Variants in SIGLECL1 observed in about 807,000 individuals in gnomAD.
SIGLECL1 encodes SIGLEC family like 1.
A neutral mutation model predicts 19.1 loss-of-function variants in SIGLECL1; 16 were observed. The observed-to-expected ratio is 0.84, with a 90% CI of 0.57 to 1.27. The LOEUF (loss-of-function observed/expected upper bound fraction) is 1.27, where lower values mean the gene tolerates loss of function less well. SIGLECL1 is among the 50% of genes most tolerant of loss of function. The pLI is 0.00. For synonymous variants in SIGLECL1, 89 were observed against 90.4 expected (o/e 0.98, Z 0.09); for missense variants, 210 against 239.4 (o/e 0.88, Z 0.81).
chr19:51,265,836 G>A lies in SIGLECL1; in HGVS notation c.364G>A (p.Ala122Thr). The A allele has an allele frequency of 6.2e-7, 1 of 1,614,164 alleles. No homozygotes were observed. The highest frequency in any genetic ancestry group is 1.1e-5 in the South Asian group (1 of 91,086). Residue 122 changes from alanine to threonine, a missense_variant, in exon 4 of 6, where the codon GCG becomes ACG. By Grantham distance (58) the Ala-to-Thr change is moderately conservative. Transcript: ENST00000601727. ...VKGLIQGAIY[A>T]GIVIALLFLC... ...AGGGCTGATCCAGGGTGCTATCTATGCGGGAATTGTAATTGCGCTGCTCTT... is the reference window on the plus strand; with the variant it reads ...AGGGCTGATCCAGGGTGCTATCTATACGGGAATTGTAATTGCGCTGCTCTT...
chr19:51,265,588 A>T lies in SIGLECL1; in HGVS notation c.243A>T (p.Arg81Ser), dbSNP rs1983586454. Residue 81 changes from arginine to serine, a missense_variant, in exon 3 of 6, where the codon AGA becomes AGT. Arg to Ser is a moderately radical substitution (Grantham distance 110). Transcript: ENST00000601727. ...SLTEEPEMGM[R>S]LLCEGKNQNG... ...CTGAAGAGCCAGAAATGGGCATGAG[A>T]CTTCTCTGTGAGGGGAAGAACCAAA... 1 of 1,614,048 alleles carries T rather than the reference A, an allele frequency of 6.2e-7. No individual in the cohort carries two copies. The highest frequency in any genetic ancestry group is 1.3e-5 in the African/African-American group (1 of 74,910).
Position 51,254,986 on chromosome 19 carries a change from G to A in SIGLECL1, c.-191+3441G>A, listed in dbSNP as rs549000648. Among the ~76,000 whole-genome samples the A allele has an allele frequency of 3.9e-5, 6 of 152,170 alleles. No individual in the cohort carries two copies. In the East Asian group the frequency reaches 5.8e-4, roughly 15 times the overall value. On this transcript the variant is annotated intron_variant, in intron 1 of 5. Transcript: ENST00000601727. ...GTTAAAGACTTAAATATAGCCAGGCGCAGTGGCTCACGCCTGTAATCCCAG... is the reference window on the plus strand; with the variant it reads ...GTTAAAGACTTAAATATAGCCAGGCACAGTGGCTCACGCCTGTAATCCCAG...
rs189631727 is a variant in SIGLECL1 at position 51,265,805 on chromosome 19, C to T, written c.333C>T (p.Phe111=). ...AGAGTTCTTTGGCTGCCCAGGCCTT[C>T]GTGAAAGGGCTGATCCAGGGTGCTA... ...SRKSSLAAQA[F]VKGLIQGAIY... The change falls in exon 4 of 6, where the codon TTC becomes TTT. Residue 111 remains phenylalanine, a synonymous_variant. Transcript: ENST00000601727. 2.4e-5 allele frequency: 38 copies of T among 1,614,164 alleles called. No individual in the cohort carries two copies. Among genetic ancestry groups the T allele is most frequent in the Middle Eastern group, 3.3e-4 (2 of 6,062 alleles).
chr19:51,257,114 T>C (rs1270786333), intron 1 of SIGLECL1, among the ~76,000 whole-genome samples: 1 of 152,112 alleles, frequency 6.6e-6, no homozygotes, highest in Non-Finnish European at 1.5e-5. Flanking sequence ...CAGCTTAATA[T>C]TGAAAACACT....
At chr19:51,266,792 G>A (rs1983709046) in intron 4 of SIGLECL1, among the ~76,000 whole-genome samples, 2 of 152,312 alleles carry the variant, frequency 1.3e-5, no homozygotes, top group South Asian at 2.1e-4. Context: ...AGGCCAGAGA[G>A]ACGGGCAGGG....
At chr19:51,249,593 G>C (rs1982375563), upstream of SIGLECL1, among the ~76,000 whole-genome samples, 4 of 152,340 alleles carry the variant, frequency 2.6e-5, no homozygotes, top group Admixed American at 2.0e-4. Flanking sequence ...TGTTGTAATA[G>C]GGAGTGGAGG....
At chr19:51,250,363 C>T (rs1982414236), upstream of SIGLECL1, among the ~76,000 whole-genome samples, 5 of 152,150 alleles carry the variant, frequency 3.3e-5, no homozygotes, top group Admixed American at 1.3e-4. Context: ...GGATTACAGG[C>T]GTGAGTCACC....
At chr19:51,247,082 G>A (rs1320395156), upstream of SIGLECL1, among the ~76,000 whole-genome samples, 1 of 152,152 alleles carries the variant, frequency 6.6e-6, no homozygotes, top group African/African-American at 2.4e-5. Context: ...CCCAGTTACA[G>A]AAATAAACTC....
rs75883413 is a variant in SIGLECL1, at chr19:51,263,975, C to T, written c.-98C>T. The stretch of plus-strand genomic sequence containing the variant: ...CCATCCCCACATCCTCTTTCAGTTA[C>T]GCATCACCTCACTCCTTCTGAACCA... On this transcript the variant is annotated 5_prime_UTR_variant, in exon 2 of 6. It adds an upstream start codon to the 5' untranslated region. Coordinates refer to ENST00000601727, the MANE Select transcript of SIGLECL1 (RefSeq NM_001385465.1). 929 of 1,448,090 alleles carry T rather than the reference C, an allele frequency of 6.4e-4. 13 individuals are homozygous for T. The East Asian group carries it at 0.017, about 26-fold the overall frequency. 89.7% of individuals were successfully genotyped at this position (1,448,090 alleles called of 1,614,324 possible). A position where few individuals can be genotyped will look rare whatever the true frequency, so the allele number is the denominator to read the frequency against.
At chr19:51,255,745 T>G (rs1982761990) in intron 1 of SIGLECL1, among the ~76,000 whole-genome samples, 1 of 152,168 alleles carries the variant, frequency 6.6e-6, no homozygotes, top group Non-Finnish European at 1.5e-5. Flanking sequence ...AGATATCACC[T>G]TATACCTATT....
intron 1 of SIGLECL1, among the ~76,000 whole-genome samples, chr19:51,257,091 A>G (rs936471672): frequency 2.0e-5 from 3 of 152,202 alleles, no homozygotes; most frequent in African/African-American, 7.2e-5. Context: ...TATAATGAGC[A>G]TATACCCACC....
chr19:51,261,583 C>T (rs571276959), intron 1 of SIGLECL1, among the ~76,000 whole-genome samples: 13 of 152,284 alleles, frequency 8.5e-5, no homozygotes, highest in African/African-American at 1.2e-4. Context: ...CCACCGCTCC[C>T]GGCCCATTTG....
chr19:51,248,478 C>T (rs1030281458), upstream of SIGLECL1, among the ~76,000 whole-genome samples: 4 of 152,144 alleles, frequency 2.6e-5, no homozygotes, highest in African/African-American at 9.7e-5. Context: ...CTAAAATCCT[C>T]GTGTGTTTCT....
At chr19:51,265,939 C>G in intron 4 of SIGLECL1, 57 bp downstream of exon 4, 1 of 1,562,570 alleles carries the variant, frequency 6.4e-7, no homozygotes, top group South Asian at 1.1e-5. Context: ...GCCCTGGCTG[C>G]AGCCCTGGCA....
chr19:51,258,401 C>T (rs10416406), intron 1 of SIGLECL1, among the ~76,000 whole-genome samples: 1 of 152,196 alleles, frequency 6.6e-6, no homozygotes, highest in South Asian at 2.1e-4. Context: ...GTCACCTGTG[C>T]GTATAGAAAT....
At chr19:51,261,384 G>C (rs1265048447) in intron 1 of SIGLECL1, among the ~76,000 whole-genome samples, 2 of 152,118 alleles carry the variant, frequency 1.3e-5, no homozygotes. Context: ...TGCCTCCCAG[G>C]TTCATGCCAT....
intron 4 of SIGLECL1, among the ~76,000 whole-genome samples, chr19:51,266,985 G>T (rs1208764321): frequency 6.6e-6 from 1 of 152,158 alleles, no homozygotes; most frequent in East Asian, 1.9e-4. Context: ...CTGACCTGGG[G>T]CAAGTGATGA....
chr19:51,260,309 T>A (rs1387166590), intron 1 of SIGLECL1, among the ~76,000 whole-genome samples: 1 of 152,224 alleles, frequency 6.6e-6, no homozygotes, highest in Non-Finnish European at 1.5e-5. Context: ...AAACACTTGA[T>A]TTTGCCCGGT....
chr19:51,259,493 G>C (rs887604134), intron 1 of SIGLECL1, among the ~76,000 whole-genome samples: 1 of 152,212 alleles, frequency 6.6e-6, no homozygotes, highest in Non-Finnish European at 1.5e-5. Flanking sequence ...CATGTTAGAA[G>C]CTTAACGTTT....
Sources: gnomAD v4.1 joint callset for allele counts (sites outside exome capture counted in the v4.1 genomes callset) on GRCh38, gnomAD v4.1.1 for gene constraint, MANE v1.5 for transcripts, NCBI Gene and HGNC (gene_info 2026-07-23, HGNC 2026-07-21) for gene names.